Variants in PRKCA observed in about 807,000 individuals in gnomAD.
PRKCA encodes the protein protein kinase C alpha, also known as protein kinase C alpha type.
In PRKCA, 27 loss-of-function variants were observed where a neutral mutation model predicts 87.0. The ratio of observed to expected loss-of-function variants is 0.31; its 90% CI spans 0.23 to 0.43. The LOEUF is 0.43. Ranked by LOEUF, PRKCA falls within the 20% of genes least tolerant of loss-of-function variation. The pLI, the probability that PRKCA is intolerant of heterozygous loss-of-function variation, is 1.00. For missense variants in PRKCA, 518 were observed against 852.3 expected (o/e 0.61, Z 4.88); for synonymous variants, 329 against 311.1 (o/e 1.06, Z -0.61).
At chr17:66,664,011 G>T (rs142293729) in intron 5 of PRKCA, among the ~76,000 whole-genome samples, 7,813 of 151,994 alleles carry the variant, frequency 0.051, 681 homozygotes, top group African/African-American at 0.18. Context: ...GGAACTACAG[G>T]CACATGCCAC....
At chr17:66,463,543 G>A (rs1914952998) in intron 2 of PRKCA, among the ~76,000 whole-genome samples, 1 of 151,930 alleles carries the variant, frequency 6.6e-6, no homozygotes, top group Non-Finnish European at 1.5e-5. Flanking sequence ...TTACAGGCAT[G>A]TGCCACCATG....
intron 5 of PRKCA, among the ~76,000 whole-genome samples, chr17:66,671,319 G>A (rs1250334067): frequency 3.3e-5 from 5 of 152,002 alleles, no homozygotes; most frequent in African/African-American, 4.8e-5. Context: ...GAAGTGGGGG[G>A]GTTTAAGAAT....
intron 2 of PRKCA, among the ~76,000 whole-genome samples, chr17:66,397,804 G>A (rs758371735): frequency 6.6e-5 from 10 of 152,126 alleles, no homozygotes; most frequent in Non-Finnish European, 8.8e-5. Flanking sequence ...TCAGGATACA[G>A]TGCTGATGCC....
chr17:66,426,404 G>A (rs1433876533), intron 2 of PRKCA, among the ~76,000 whole-genome samples: 2 of 152,212 alleles, frequency 1.3e-5, no homozygotes, highest in Non-Finnish European at 2.9e-5. Flanking sequence ...AGCCTGTGTT[G>A]TGCAAAGTGA....
At chr17:66,314,504 T>C (rs972439030) in intron 2 of PRKCA, among the ~76,000 whole-genome samples, 1 of 152,184 alleles carries the variant, frequency 6.6e-6, no homozygotes, top group Non-Finnish European at 1.5e-5. Flanking sequence ...GAGATAAGAA[T>C]TATTTGAGAG....
chr17:66,420,434 G>A (rs1912423630), intron 2 of PRKCA, among the ~76,000 whole-genome samples: 1 of 152,180 alleles, frequency 6.6e-6, no homozygotes. Flanking sequence ...TCATGACGGT[G>A]TAAAAGTGAT....
intron 5 of PRKCA, among the ~76,000 whole-genome samples, chr17:66,665,904 G>A (rs1205515669): frequency 1.3e-5 from 2 of 152,216 alleles, no homozygotes; most frequent in East Asian, 3.8e-4. Flanking sequence ...AGCATCTGAA[G>A]ACAGAGGAGT....
At chr17:66,650,706 C>T (rs16959815) in intron 5 of PRKCA, among the ~76,000 whole-genome samples, 87,417 of 151,828 alleles carry the variant, frequency 0.58, 25,234 homozygotes, top group Admixed American at 0.6. Flanking sequence ...GGGCCCTGCG[C>T]GATTTGATGT....
intron 2 of PRKCA, among the ~76,000 whole-genome samples, chr17:66,436,973 T>C (rs1913428882): frequency 6.6e-6 from 1 of 152,110 alleles, no homozygotes; most frequent in Non-Finnish European, 1.5e-5. Flanking sequence ...TGTGGGATGA[T>C]TGAGAAGCCA....
chr17:66,623,075 T>A (rs1314772156), intron 3 of PRKCA, among the ~76,000 whole-genome samples: 1 of 152,256 alleles, frequency 6.6e-6, no homozygotes, highest in Non-Finnish European at 1.5e-5. Context: ...AGGACAGTTT[T>A]TCTTCTCTAT....
intron 3 of PRKCA, among the ~76,000 whole-genome samples, chr17:66,521,351 A>C (rs577598700): frequency 9.9e-5 from 15 of 152,224 alleles, no homozygotes; most frequent in Non-Finnish European, 1.6e-4. Context: ...TCTCATTTTT[A>C]TAGTTTTTAA....
intron 16 of PRKCA, among the ~76,000 whole-genome samples, chr17:66,789,870 G>A (rs557679473): frequency 6.5e-4 from 99 of 152,336 alleles, no homozygotes; most frequent in Non-Finnish European, 9.8e-4. Flanking sequence ...TAAACTGAGA[G>A]CCTTTAAGAA....
chr17:66,800,768 A>G (rs1246878516), intron 16 of PRKCA, among the ~76,000 whole-genome samples: 1 of 152,252 alleles, frequency 6.6e-6, no homozygotes, highest in African/African-American at 2.4e-5. Flanking sequence ...CTAGACGTCT[A>G]TCTGTGCAGC....
chr17:66,447,770 C>G (rs1451946639), intron 2 of PRKCA, among the ~76,000 whole-genome samples: 1 of 152,208 alleles, frequency 6.6e-6, no homozygotes, highest in Non-Finnish European at 1.5e-5. Flanking sequence ...CCGCTCATTC[C>G]AGTTTCACCT....
intron 8 of PRKCA, among the ~76,000 whole-genome samples, chr17:66,704,969 C>T (rs1973155378): frequency 6.6e-6 from 1 of 152,170 alleles, no homozygotes; most frequent in Non-Finnish European, 1.5e-5. Context: ...AACCACAAAA[C>T]ACAGTTCACT....
chr17:66,688,872 A>T lies in PRKCA; in HGVS notation c.822-79A>T. On this transcript the variant is annotated intron_variant, in intron 7 of 16. Transcript: ENST00000413366. The stretch of plus-strand genomic sequence containing the variant: ...GTAGCCTCTCCGTAGGATGCGTTTC[A>T]CAAAACCGCTCGACTAGAGGCTGCA... The T allele has an allele frequency of 3.3e-6, 3 of 909,082 alleles. No individual in the cohort carries two copies. In the South Asian group the frequency reaches 4.5e-5, roughly 14 times the overall value. The allele number at this position is 909,082 out of a possible 1,614,324, so 56.3% of individuals were successfully genotyped here. A position where few individuals can be genotyped will look rare whatever the true frequency, so the allele number is the denominator to read the frequency against.
intron 2 of PRKCA, among the ~76,000 whole-genome samples, chr17:66,361,722 A>G (rs975725569): frequency 1.3e-5 from 2 of 152,218 alleles, no homozygotes; most frequent in African/African-American, 2.4e-5. Flanking sequence ...TTAAATGTTT[A>G]TAGATTTACT....
chr17:66,435,669 A>T (rs1195266392), intron 2 of PRKCA, among the ~76,000 whole-genome samples: 2 of 152,160 alleles, frequency 1.3e-5, no homozygotes, highest in Non-Finnish European at 2.9e-5. Context: ...ACAAAAAGAA[A>T]TGTGAAAAGA....
intron 8 of PRKCA, among the ~76,000 whole-genome samples, chr17:66,731,853 A>G (rs1409194453): frequency 1.6e-5 from 2 of 126,302 alleles, no homozygotes. Flanking sequence ...GCGCGATCTC[A>G]GCTCACTGCA....
Sources: allele counts gnomAD v4.1 joint callset (sites outside exome capture counted in the v4.1 genomes callset), GRCh38; gene constraint gnomAD v4.1.1; transcripts MANE v1.5; gene names NCBI Gene and HGNC (gene_info 2026-07-23, HGNC 2026-07-21).